The following INSL6 variants were observed in gnomAD, a reference collection of about 807,000 sequenced individuals.
INSL6 encodes insulin-like peptide INSL6.
Under a neutral mutation model 9.4 loss-of-function variants are expected in INSL6, and 16 were observed. The ratio of observed to expected loss-of-function variants is 1.70; its 90% confidence interval spans 1.15 to 2.59. The LOEUF is 2.59. INSL6 is among the 30% of genes most tolerant of loss of function. The pLI is 0.00. For missense variants in INSL6, 391 were observed against 257.3 expected (o/e 1.52, Z -3.56); for synonymous variants, 154 against 96.9 (o/e 1.59, Z -3.46).
chr9:5,164,488 T>C (rs181908611), intron 1 of INSL6, among the ~76,000 whole-genome samples: 17 of 152,360 alleles, frequency 1.1e-4, no homozygotes, highest in Admixed American at 5.2e-4. Flanking sequence ...TATTAACAAT[T>C]TGAGATATCA....
At chr9:5,044,450 G>A in the INSL6 span, 32 of 1,613,068 alleles carry the variant, frequency 2.0e-5, no homozygotes, top group Non-Finnish European at 2.5e-5. Context: ...AGAGCCTATC[G>A]GCATGGAATA....
the INSL6 span, chr9:5,069,934 A>T: frequency 6.3e-7 from 1 of 1,595,382 alleles, no homozygotes; most frequent in Non-Finnish European, 8.6e-7. Context: ...GATAAATCAA[A>T]CCTTCTAGTC....
chr9:5,070,882 G>C, the INSL6 span, among the ~76,000 whole-genome samples: 390 of 152,250 alleles, frequency 2.6e-3, 2 homozygotes, highest in East Asian at 0.019. Flanking sequence ...AAAAGGGCCA[G>C]GTCTCAGACC....
the INSL6 span, chr9:5,099,210 G>A: frequency 2.4e-4 from 36 of 152,062 alleles, no homozygotes; most frequent in Non-Finnish European, 3.8e-4. Context: ...TAACCACTGG[G>A]CGACCAGGTC....
chr9:5,123,148 GTTTT>G (rs763447537), downstream of INSL6: 9 of 1,451,716 alleles, frequency 6.2e-6, no homozygotes, highest in Non-Finnish European at 6.6e-6. Context: ...TTTACTTTCA[GTTTT>G]TTGTTTGTTC....
chr9:5,123,777 A>G (rs1370910247), downstream of INSL6, among the ~76,000 whole-genome samples: 3 of 151,940 alleles, frequency 2.0e-5, no homozygotes, highest in Non-Finnish European at 4.4e-5. Flanking sequence ...AACAGTGTAT[A>G]AGAGTTCCCT....
In INSL6 at chr9:5,183,033, C is replaced by G. The variant is rs536342321; in HGVS notation, c.289+2281G>C. ...TAAAATTTCAGACAACTGACTTGATCTAACACAACAACTTGTCCTGCTGGT... is the reference window on the plus strand; with the variant it reads ...TAAAATTTCAGACAACTGACTTGATGTAACACAACAACTTGTCCTGCTGGT... On this transcript the variant is annotated intron_variant, in intron 1 of 1. Coordinates refer to ENST00000381641, the MANE Select transcript of INSL6 (RefSeq NM_007179.3). Among the ~76,000 whole-genome samples the G allele has an allele frequency of 2.6e-5, 4 of 152,246 alleles. No individual in the cohort carries two copies. In the East Asian group the frequency reaches 5.8e-4, roughly 22 times the overall value.
chr9:5,019,330 T>C, the INSL6 span, among the ~76,000 whole-genome samples: 2 of 152,148 alleles, frequency 1.3e-5, no homozygotes, highest in Non-Finnish European at 1.5e-5. Context: ...TGCTCTAGAA[T>C]GTATTTTTTA....
the INSL6 span, among the ~76,000 whole-genome samples, chr9:5,037,462 G>T: frequency 6.6e-6 from 1 of 152,194 alleles, no homozygotes; most frequent in African/African-American, 2.4e-5. Flanking sequence ...CAAGCTAGAT[G>T]TCCAACAATG....
At chr9:5,124,667 G>A (rs1011630671) in intron 3 of INSL6, among the ~76,000 whole-genome samples, 131 of 151,904 alleles carry the variant, frequency 8.6e-4, no homozygotes, top group African/African-American at 3.0e-3. Context: ...ATATTATAAG[G>A]CTACAGTAAC....
At chr9:5,185,278 G>C (rs745780657) in intron 1 of INSL6, 36 bp downstream of exon 1, 1 of 1,613,114 alleles carries the variant, frequency 6.2e-7, no homozygotes, top group African/African-American at 1.3e-5. Flanking sequence ...GAAATATACA[G>C]AGGTGAACAA....
At chr9:4,994,212 T>C in the INSL6 span, among the ~76,000 whole-genome samples, 1 of 152,246 alleles carries the variant, frequency 6.6e-6, no homozygotes. Context: ...CCATAGGAAC[T>C]TCCTTATCTC....
chr9:5,161,784 G>A (rs1362537431), downstream of INSL6, among the ~76,000 whole-genome samples: 6 of 152,200 alleles, frequency 3.9e-5, no homozygotes, highest in Middle Eastern at 6.8e-3. Context: ...GCACTTCTAT[G>A]TGCCAAGAGC....
chr9:5,112,175 G>C, the INSL6 span: 1 of 274,062 alleles, frequency 3.6e-6, no homozygotes, highest in Non-Finnish European at 7.4e-6. Context: ...CCCGGCCACC[G>C]GGCGCTGGCC....
chr9:5,178,324 C>T (rs1383617328), intron 1 of INSL6, among the ~76,000 whole-genome samples: 3 of 152,156 alleles, frequency 2.0e-5, no homozygotes, highest in African/African-American at 7.2e-5. Flanking sequence ...GCCGCCATCT[C>T]CACGGTTCCC....
intron 1 of INSL6, 39 bp from the exon 2 acceptor site, chr9:5,164,304 A>C: frequency 7.6e-7 from 1 of 1,310,876 alleles, no homozygotes; most frequent in South Asian, 1.3e-5. Context: ...CTTTATTAAA[A>C]TCTTCCTTTA....
At chr9:5,175,938 C>T (rs62543560) in intron 1 of INSL6, among the ~76,000 whole-genome samples, 32,866 of 152,070 alleles carry the variant, frequency 0.22, 4,465 homozygotes, top group South Asian at 0.3. Context: ...TCACAATAAA[C>T]GTAATGCGCT....
the INSL6 span, among the ~76,000 whole-genome samples, chr9:5,074,081 C>G: frequency 6.6e-6 from 1 of 152,016 alleles, no homozygotes; most frequent in African/African-American, 2.4e-5. Context: ...GCAGGTTCAA[C>G]ATAACATTGG....
the INSL6 span, among the ~76,000 whole-genome samples, chr9:5,067,441 T>A: frequency 6.6e-6 from 1 of 152,084 alleles, no homozygotes; most frequent in Admixed American, 6.5e-5. Flanking sequence ...CTTGCTTTTT[T>A]AAAACAGAGA....
Sources: allele counts gnomAD v4.1 joint callset (sites outside exome capture counted in the v4.1 genomes callset), GRCh38; gene constraint gnomAD v4.1.1; transcripts MANE v1.5; gene names NCBI Gene and HGNC (gene_info 2026-07-23, HGNC 2026-07-21).